The following COL11A1 variants were observed in gnomAD, a reference collection of about 807,000 sequenced individuals.
COL11A1 encodes collagen type XI alpha 1 chain.
A neutral mutation model predicts 265.2 loss-of-function variants in COL11A1; 74 were observed. The ratio of observed to expected loss-of-function variants is 0.28; its 90% CI spans 0.23 to 0.34. The LOEUF (loss-of-function observed/expected upper bound fraction) is 0.34, where lower values mean the gene tolerates loss of function less well. Ranked by LOEUF, COL11A1 falls within the 10% of genes least tolerant of loss-of-function variation. The probability of loss-of-function intolerance (pLI) is 1.00; values close to 1 mark genes in which losing one functional copy is unlikely to be tolerated. For missense variants in COL11A1, 2,165 were observed against 2,263.6 expected (o/e 0.96, Z 0.88); for synonymous variants, 816 against 727.6 (o/e 1.12, Z -1.96).
chr1:103,059,163 T>G (rs1327718901), intron 4 of COL11A1, among the ~76,000 whole-genome samples: 2 of 152,132 alleles, frequency 1.3e-5, no homozygotes, highest in Non-Finnish European at 2.9e-5. Context: ...CTAACTGCAG[T>G]GCAGCATTAT....
At chr1:102,900,436 CAAT>C (rs1448246422) in intron 54 of COL11A1, among the ~76,000 whole-genome samples, 4 of 151,894 alleles carry the variant, frequency 2.6e-5, no homozygotes, top group African/African-American at 4.8e-5. Flanking sequence ...GTAGATACAA[CAAT>C]AATAATGATT....
At chr1:102,894,304 T>A (rs547136991) in intron 57 of COL11A1, among the ~76,000 whole-genome samples, 1 of 151,938 alleles carries the variant, frequency 6.6e-6, no homozygotes, top group Non-Finnish European at 1.5e-5. Context: ...GAGACAGAGG[T>A]GGATGGATCG....
At chr1:102,958,567 G>T (rs186931178) in intron 41 of COL11A1, among the ~76,000 whole-genome samples, 1 of 151,960 alleles carries the variant, frequency 6.6e-6, no homozygotes, top group Non-Finnish European at 1.5e-5. Context: ...ATCATGCACC[G>T]CTTCACTAGA....
intron 4 of COL11A1, among the ~76,000 whole-genome samples, chr1:103,039,741 AG>A (rs937372026): frequency 7.4e-5 from 11 of 149,470 alleles, no homozygotes; most frequent in African/African-American, 2.7e-4. Flanking sequence ...AGTTAATACT[AG>A]GGTTTTTTTT....
At chr1:102,940,894 C>G (rs188095130) in intron 42 of COL11A1, among the ~76,000 whole-genome samples, 1 of 151,988 alleles carries the variant, frequency 6.6e-6, no homozygotes, top group Non-Finnish European at 1.5e-5. Context: ...TGTTTTGGTT[C>G]TCCTGGTTTT....
chr1:103,013,460 A>G (rs1480968467), intron 13 of COL11A1, among the ~76,000 whole-genome samples: 1 of 151,984 alleles, frequency 6.6e-6, no homozygotes, highest in Non-Finnish European at 1.5e-5. Context: ...AAAAGAATAT[A>G]TTTTATAAAA....
chr1:102,930,336 T>A (rs905276327), intron 46 of COL11A1, among the ~76,000 whole-genome samples: 8 of 151,936 alleles, frequency 5.3e-5, no homozygotes, highest in Non-Finnish European at 7.4e-5. Flanking sequence ...TTTTTCTGCA[T>A]CTATTGAGAT....
At chr1:103,025,813 T>C in intron 6 of COL11A1, 200 bp from the exon 7 acceptor site, 1 of 1,613,360 alleles carries the variant, frequency 6.2e-7, no homozygotes, top group East Asian at 2.2e-5. Flanking sequence ...TACCCCTAGT[T>C]TGGCTTTTGC....
Position 102,879,862 on chromosome 1 carries a change from G to C in COL11A1, c.5095C>G (p.Leu1699Val), listed in dbSNP as rs1570608346. The change falls in exon 66 of 67, where the codon CTG (leucine) becomes GTG (valine). Residue 1699 changes from leucine (L) to valine (V), a missense_variant. By Grantham distance (32) the Leu-to-Val change is conservative. Coordinates refer to ENST00000370096, the MANE Select transcript of COL11A1 (RefSeq NM_001854.4). ...NSINMVQMTF[L>V]KLLTASARQN... ...CGAGCAGAGGCAGTCAGAAGTTTCA[G>C]GAATGTCATTTGCACCATATTGATG... 1 of 1,613,820 alleles carries C rather than the reference G, an allele frequency of 6.2e-7. No individual in the cohort carries two copies. The highest frequency in any genetic ancestry group is 2.2e-5 in the East Asian group (1 of 44,858).
At chr1:103,017,968 G>A (rs570726120) in intron 10 of COL11A1, 86 bp from the exon 11 acceptor site, 78 of 1,077,734 alleles carry the variant, frequency 7.2e-5, no homozygotes, top group East Asian at 3.1e-4. Context: ...CGAAGAGTTC[G>A]TTTATATTTT....
chr1:102,939,267 G>A (rs1658470728), intron 43 of COL11A1, among the ~76,000 whole-genome samples, 179 bp from the exon 44 acceptor site: 1 of 152,090 alleles, frequency 6.6e-6, no homozygotes, highest in Non-Finnish European at 1.5e-5. Context: ...TGACTAATAT[G>A]TTAACAGACA....
intron 4 of COL11A1, among the ~76,000 whole-genome samples, chr1:103,065,000 T>G (rs1350825533): frequency 3.3e-5 from 5 of 152,164 alleles, no homozygotes; most frequent in Non-Finnish European, 7.3e-5. Flanking sequence ...GTCTACACTC[T>G]TAGAATGTAC....
At chr1:102,884,511 G>C (rs534046414) in intron 63 of COL11A1, 3 of 152,190 alleles carry the variant, frequency 2.0e-5, no homozygotes, top group Non-Finnish European at 4.4e-5. Context: ...TACGATCTCA[G>C]GAGGTGGGCT....
chr1:103,086,580 C>G (rs1376701293), intron 1 of COL11A1, among the ~76,000 whole-genome samples: 2 of 152,058 alleles, frequency 1.3e-5, no homozygotes, highest in African/African-American at 2.4e-5. Flanking sequence ...CCACGCCCGG[C>G]TAATTTTTTG....
chr1:103,070,620 T>G (rs1297667691), intron 4 of COL11A1, among the ~76,000 whole-genome samples: 1 of 151,880 alleles, frequency 6.6e-6, no homozygotes, highest in Non-Finnish European at 1.5e-5. Context: ...TTTTCTTGAT[T>G]ATGATGATGG....
At chr1:103,024,228 A>G (rs1166113544) in intron 7 of COL11A1, among the ~76,000 whole-genome samples, 1 of 152,046 alleles carries the variant, frequency 6.6e-6, no homozygotes, top group Non-Finnish European at 1.5e-5. Flanking sequence ...CTGGGCTTAC[A>G]TGATCATCCT....
At position 102,915,669 on chromosome 1, in the gene COL11A1, C is replaced by A. The variant is rs756446203; in HGVS notation, c.3778G>T (p.Ala1260Ser). 1 of 1,612,744 alleles carries A rather than the reference C, an allele frequency of 6.2e-7. No homozygotes were observed. Among genetic ancestry groups the A allele is most frequent in the Admixed American group, 1.7e-5 (1 of 60,002 alleles). ...GVGEKGEPGEAGNPGPPGEAG... is the reference protein window; with the variant it reads ...GVGEKGEPGESGNPGPPGEAG... ...TCCCCAGGAGGCCCTGGGTTCCCTG[C>A]TTCTCCAGGTTCACCCTATATAGAG... Residue 1260 changes from alanine (A) to serine (S), a missense_variant, in exon 50 of 67, where the codon GCA becomes TCA. Ala to Ser is a moderately conservative substitution (Grantham distance 99). Transcript: ENST00000370096.
chr1:103,007,886 A>AG (rs1665768852), intron 15 of COL11A1, among the ~76,000 whole-genome samples: 1 of 150,718 alleles, frequency 6.6e-6, no homozygotes, highest in Admixed American at 6.6e-5. Flanking sequence ...AAAAAAAAAA[A>AG]GATTGTCTAC....
At chr1:103,097,842 A>C (rs1673907264) in intron 1 of COL11A1, among the ~76,000 whole-genome samples, 1 of 152,026 alleles carries the variant, frequency 6.6e-6, no homozygotes, top group Non-Finnish European at 1.5e-5. Flanking sequence ...TTGTCTGTGT[A>C]GCCACAGCAC....
Sources: gnomAD v4.1 joint callset for allele counts (sites outside exome capture counted in the v4.1 genomes callset) on GRCh38, gnomAD v4.1.1 for gene constraint, MANE v1.5 for transcripts, NCBI Gene and HGNC (gene_info 2026-07-23, HGNC 2026-07-21) for gene names.